PAM: variants seen among roughly 807,000 people sequenced by gnomAD.
PAM encodes peptidyl-glycine alpha-amidating monooxygenase.
In PAM, 72 loss-of-function variants were observed where a neutral mutation model predicts 122.1. The ratio of observed to expected loss-of-function variants is 0.59; its 90% CI spans 0.49 to 0.72. PAM has a LOEUF of 0.72. Among genes scored for constraint, PAM ranks in the 30% least tolerant of loss-of-function variants. The pLI is 0.00. For synonymous variants in PAM, 389 were observed against 404.4 expected (o/e 0.96, Z 0.46); for missense variants, 1,106 against 1,183.7 (o/e 0.93, Z 0.96).
At chr5:102,796,143 T>C (rs1763323936) in intron 1 of PAM, among the ~76,000 whole-genome samples, 1 of 152,198 alleles carries the variant, frequency 6.6e-6, no homozygotes, top group Non-Finnish European at 1.5e-5. Flanking sequence ...TTGAGATCTG[T>C]ACAAACAAGT....
Position 102,858,868 on chromosome 5 carries a change from C to T in PAM, c.-373-6955C>T, listed in dbSNP as rs75918740. On this transcript the variant is annotated intron_variant, in intron 1 of 25. Transcript: ENST00000438793. ...ACATGCCTCATAATGATGCTTTACT[C>T]AGTGTCACGACACATATGTGATGGT... Among the ~76,000 whole-genome samples the T allele has an allele frequency of 6.6e-3, 1,009 of 152,258 alleles. 9 individuals are homozygous for T. The highest frequency in any genetic ancestry group is 0.02 in the Middle Eastern group (6 of 294).
In PAM at chr5:102,948,385, T is replaced by C. The variant is rs1366026702; in HGVS notation, c.583T>C (p.Leu195=). The change falls in exon 9 of 26, where the codon TTA becomes CTA. Residue 195 remains leucine (L), a synonymous_variant. Coordinates refer to ENST00000438793, the MANE Select transcript of PAM (RefSeq NM_001177306.2). ...SLHLTRLPQP[L]IAGMYLMMSV... ...TGTTATTTTTTTCTGCAGACAGCCTTTAATTGCTGGCATGTACCTTATGAT... is the reference window on the plus strand; with the variant it reads ...TGTTATTTTTTTCTGCAGACAGCCTCTAATTGCTGGCATGTACCTTATGAT... The C allele has an allele frequency of 1.3e-6, 2 of 1,575,250 alleles. No homozygotes were observed. Among genetic ancestry groups the C allele is most frequent in the Non-Finnish European group, 1.7e-6 (2 of 1,149,738 alleles).
chr5:102,870,852 A>G (rs1053290996), intron 3 of PAM, among the ~76,000 whole-genome samples: 1 of 152,114 alleles, frequency 6.6e-6, no homozygotes, highest in African/African-American at 2.4e-5. Flanking sequence ...CTCTTTTAGC[A>G]CTGTTTCTTT....
chr5:102,849,238 C>T lies in PAM; in HGVS notation c.-373-16585C>T, dbSNP rs1467152825. On this transcript the variant is annotated intron_variant, in intron 1 of 25. Transcript: ENST00000438793. ...TATTCTCAACACGGATCTGGAACCG[C>T]GCTCCAGTTCCAGAACTCTAGTAAA... is the stretch of plus-strand genomic sequence containing the variant. 3.9e-5 allele frequency among the ~76,000 whole-genome samples: 6 copies of T among 152,070 alleles called. No homozygotes were observed. In the South Asian group the frequency reaches 8.3e-4, roughly 21 times the overall value.
intron 7 of PAM, among the ~76,000 whole-genome samples, chr5:102,930,345 C>T (rs143773720): frequency 6.6e-5 from 10 of 151,908 alleles, no homozygotes; most frequent in Non-Finnish European, 1.3e-4. Flanking sequence ...TACAAGTATA[C>T]CTGAAAGTGG....
intron 15 of PAM, 188 bp downstream of exon 15, chr5:102,974,624 G>C: frequency 2.1e-6 from 1 of 466,150 alleles, no homozygotes. Context: ...TTTTGGTTTT[G>C]GTCTATTACT....
chr5:102,951,256 G>T (rs1753137696), intron 12 of PAM, among the ~76,000 whole-genome samples: 1 of 151,818 alleles, frequency 6.6e-6, no homozygotes, highest in African/African-American at 2.4e-5. Flanking sequence ...CAGTTGTTTA[G>T]TCTACTAAAT....
intron 21 of PAM, among the ~76,000 whole-genome samples, chr5:103,011,429 A>C (rs951928652): frequency 1.3e-5 from 2 of 151,570 alleles, no homozygotes; most frequent in African/African-American, 2.4e-5. Context: ...TACCCTTCCC[A>C]GGCTCTGGTA....
At chr5:102,772,653 A>G (rs1292142591) in intron 1 of PAM, among the ~76,000 whole-genome samples, 1 of 152,140 alleles carries the variant, frequency 6.6e-6, no homozygotes, top group East Asian at 1.9e-4. Context: ...AGTTGGAGTA[A>G]TGTCTTAGTT....
At chr5:102,961,116 A>T (rs1297035911) in intron 13 of PAM, 42 bp from the exon 14 acceptor site, 1 of 995,162 alleles carries the variant, frequency 1.0e-6, no homozygotes, top group Non-Finnish European at 1.6e-6. Flanking sequence ...AGTATGTAAT[A>T]CATACTGCAA....
At chr5:102,782,580 T>A (rs1759279742) in intron 1 of PAM, among the ~76,000 whole-genome samples, 1 of 152,192 alleles carries the variant, frequency 6.6e-6, no homozygotes, top group African/African-American at 2.4e-5. Flanking sequence ...TATTTGAAAG[T>A]GAAAATCACG....
At chr5:102,835,129 T>C (rs761899552) in intron 1 of PAM, among the ~76,000 whole-genome samples, 2 of 152,166 alleles carry the variant, frequency 1.3e-5, no homozygotes, top group Non-Finnish European at 2.9e-5. Context: ...GAATCTTGCA[T>C]GTATATAGCA....
intron 1 of PAM, among the ~76,000 whole-genome samples, chr5:102,834,413 C>T (rs1300460381): frequency 2.0e-5 from 3 of 152,054 alleles, no homozygotes; most frequent in African/African-American, 7.2e-5. Flanking sequence ...ACAGAGAAGT[C>T]AACAAAACAT....
intron 1 of PAM, among the ~76,000 whole-genome samples, chr5:102,795,000 G>T (rs1240620371): frequency 6.6e-6 from 1 of 151,754 alleles, no homozygotes; most frequent in Non-Finnish European, 1.5e-5. Context: ...GACCAGCCTG[G>T]TCAACATAGG....
intron 1 of PAM, among the ~76,000 whole-genome samples, chr5:102,765,236 C>T (rs940741372): frequency 1.9e-4 from 29 of 152,130 alleles, no homozygotes; most frequent in Non-Finnish European, 3.5e-4. Context: ...AGATTTGGCA[C>T]CAGTAGTTGC....
intron 6 of PAM, 67 bp from the exon 7 acceptor site, chr5:102,926,518 G>A (rs1561912595): frequency 1.2e-6 from 1 of 852,918 alleles, no homozygotes; most frequent in Non-Finnish European, 2.0e-6. Context: ...TCATAGAACA[G>A]CAATTTGAGA....
chr5:102,813,115 TAGAAG>T (rs990739181), intron 1 of PAM, among the ~76,000 whole-genome samples: 3 of 152,086 alleles, frequency 2.0e-5, no homozygotes, highest in African/African-American at 7.2e-5. Flanking sequence ...TTCTTTGTGA[TAGAAG>T]AGATTGTTTA....
chr5:102,946,104 G>A (rs756407506), intron 7 of PAM, among the ~76,000 whole-genome samples: 2 of 152,118 alleles, frequency 1.3e-5, no homozygotes, highest in Admixed American at 6.6e-5. Context: ...GGCAAGGATC[G>A]TGTTGGAGGT....
chr5:102,927,333 T>A (rs567562075), intron 7 of PAM, among the ~76,000 whole-genome samples: 1 of 152,360 alleles, frequency 6.6e-6, no homozygotes, highest in East Asian at 1.9e-4. Flanking sequence ...TTACTCCTGC[T>A]GCTGCATTTA....
Sources: gnomAD v4.1 joint callset for allele counts (sites outside exome capture counted in the v4.1 genomes callset) on GRCh38, gnomAD v4.1.1 for gene constraint, MANE v1.5 for transcripts, NCBI Gene and HGNC (gene_info 2026-07-23, HGNC 2026-07-21) for gene names.